Variants in SIPA1L1 observed in about 807,000 individuals in gnomAD.
SIPA1L1 encodes signal-induced proliferation-associated 1-like protein 1.
In SIPA1L1, 26 loss-of-function variants were observed where a neutral mutation model predicts 162.7. The ratio of observed to expected loss-of-function variants is 0.16; its 90% CI spans 0.12 to 0.22. The LOEUF is 0.22. SIPA1L1 is among the 10% of genes least tolerant of loss of function. The pLI is 1.00. For missense variants in SIPA1L1, 1,874 were observed against 2,241.0 expected (o/e 0.84, Z 3.31); for synonymous variants, 829 against 837.4 (o/e 0.99, Z 0.17).
intron 13 of SIPA1L1, among the ~76,000 whole-genome samples, chr14:71,690,403 G>A (rs1453803189): frequency 1.3e-5 from 2 of 151,884 alleles, no homozygotes; most frequent in Non-Finnish European, 2.9e-5. Context: ...ACCACACCCA[G>A]CTTATGTTTT....
At chr14:71,648,676 GA>G (rs1051167964) in intron 7 of SIPA1L1, among the ~76,000 whole-genome samples, 1 of 152,210 alleles carries the variant, frequency 6.6e-6, no homozygotes, top group Non-Finnish European at 1.5e-5. Context: ...TTCACACAAA[GA>G]TGAATAAATT....
intron 12 of SIPA1L1, among the ~76,000 whole-genome samples, chr14:71,680,433 A>G (rs2045687834): frequency 6.6e-6 from 1 of 152,248 alleles, no homozygotes. Flanking sequence ...AGCGGTGTGT[A>G]GAGGGAAACT....
intron 4 of SIPA1L1, among the ~76,000 whole-genome samples, chr14:71,537,831 G>C (rs1015990838): frequency 6.6e-6 from 1 of 152,154 alleles, no homozygotes; most frequent in Non-Finnish European, 1.5e-5. Flanking sequence ...AAAGAGTTCA[G>C]GTGAGGAATT....
chr14:71,670,142 C>T (rs997593485), intron 10 of SIPA1L1, among the ~76,000 whole-genome samples: 3 of 152,096 alleles, frequency 2.0e-5, no homozygotes, highest in Non-Finnish European at 4.4e-5. Flanking sequence ...GAATCATTTC[C>T]AGTCATGTCA....
At chr14:71,631,958 T>C (rs965233134) in intron 7 of SIPA1L1, among the ~76,000 whole-genome samples, 1 of 152,074 alleles carries the variant, frequency 6.6e-6, no homozygotes, top group Non-Finnish European at 1.5e-5. Flanking sequence ...ATTAGAACAA[T>C]TTTTTTTGTT....
chr14:71,593,510 C>A (rs1443597019), intron 5 of SIPA1L1, among the ~76,000 whole-genome samples: 1 of 152,098 alleles, frequency 6.6e-6, no homozygotes, highest in South Asian at 2.1e-4. Context: ...CGTACCTGGC[C>A]TTTTGTTTTC....
At chr14:71,651,431 C>T (rs1187269104) in intron 8 of SIPA1L1, among the ~76,000 whole-genome samples, 1 of 152,126 alleles carries the variant, frequency 6.6e-6, no homozygotes, top group African/African-American at 2.4e-5. Context: ...TTTCCTGTTG[C>T]CATGGTTTTG....
At chr14:71,404,157 T>A (rs1323936451) in intron 2 of SIPA1L1, among the ~76,000 whole-genome samples, 2 of 152,190 alleles carry the variant, frequency 1.3e-5, no homozygotes, top group Admixed American at 6.5e-5. Context: ...AAATTTGCAT[T>A]GGATTGGCTT....
intron 5 of SIPA1L1, among the ~76,000 whole-genome samples, chr14:71,591,535 G>A (rs971557670): frequency 2.6e-5 from 4 of 152,132 alleles, no homozygotes; most frequent in African/African-American, 4.8e-5. Context: ...CACTAATCCA[G>A]TAGTTACTAA....
intron 2 of SIPA1L1, among the ~76,000 whole-genome samples, chr14:71,325,985 G>A (rs2033746542): frequency 6.6e-6 from 1 of 152,114 alleles, no homozygotes; most frequent in African/African-American, 2.4e-5. Context: ...ACAAACTCGG[G>A]GGTCACTCAA....
At chr14:71,396,239 G>T (rs1033288893) in intron 2 of SIPA1L1, among the ~76,000 whole-genome samples, 3 of 152,034 alleles carry the variant, frequency 2.0e-5, no homozygotes, top group African/African-American at 7.3e-5. Flanking sequence ...CAATATGCTG[G>T]TTACCAAGCC....
At chr14:71,496,091 A>G (rs955089509) in intron 2 of SIPA1L1, among the ~76,000 whole-genome samples, 9 of 149,990 alleles carry the variant, frequency 6.0e-5, no homozygotes, top group African/African-American at 1.2e-4. Flanking sequence ...AAAAAAAGCT[A>G]TAAAATTGTC....
Position 71,658,424 on chromosome 14 carries a change from C to T in SIPA1L1, c.2085C>T (p.Asn695=). 1 of 1,578,324 alleles carries T rather than the reference C, an allele frequency of 6.3e-7. No individual in the cohort carries two copies. The highest frequency in any genetic ancestry group is 8.7e-7 in the Non-Finnish European group (1 of 1,147,398). The part of the protein sequence containing the change: ...HVSTMLPYTP[N]NKQQLLRKRH... ...CTACCATGCTGCCATACACACCCAA[C>T]AACAAACAACAGGTAAGAGATCCTC... The change falls in exon 9 of 24, where the codon AAC becomes AAT. Residue 695 remains asparagine (N), a synonymous_variant. Transcript: ENST00000381232.
intron 5 of SIPA1L1, among the ~76,000 whole-genome samples, chr14:71,593,581 A>T (rs1292415031): frequency 6.6e-6 from 1 of 152,194 alleles, no homozygotes; most frequent in African/African-American, 2.4e-5. Flanking sequence ...ATACTAAGTT[A>T]TAGAATAATT....
intron 7 of SIPA1L1, 166 bp from the exon 8 acceptor site, chr14:71,650,169 T>G: frequency 1.4e-6 from 1 of 725,194 alleles, no homozygotes; most frequent in South Asian, 1.7e-5. Context: ...TCGTAGATAC[T>G]TGCTCCACTT....
chr14:71,647,751 A>T (rs2042291131), intron 7 of SIPA1L1, among the ~76,000 whole-genome samples: 2 of 152,194 alleles, frequency 1.3e-5, no homozygotes, highest in Admixed American at 6.5e-5. Flanking sequence ...GAGACCTAAT[A>T]GGGTACTTAG....
intron 5 of SIPA1L1, among the ~76,000 whole-genome samples, chr14:71,596,172 G>T (rs1443641768): frequency 1.3e-5 from 2 of 152,178 alleles, no homozygotes; most frequent in Non-Finnish European, 2.9e-5. Context: ...GGAAGATTAG[G>T]CAGGGAGAGC....
chr14:71,543,975 A>G (rs1184064955), intron 4 of SIPA1L1, among the ~76,000 whole-genome samples: 1 of 149,978 alleles, frequency 6.7e-6, no homozygotes, highest in Admixed American at 6.6e-5. Flanking sequence ...ATATATACAC[A>G]CACGCACATG....
rs551267311 is a variant in SIPA1L1 at position 71,715,547 on chromosome 14, T to G, written c.4208+5883T>G. 2.6e-5 allele frequency among the ~76,000 whole-genome samples: 4 copies of G among 152,398 alleles called. No homozygotes were observed. In the South Asian group the frequency reaches 8.3e-4, roughly 32 times the overall value. ...ATGTGCCATGTCATACACATTAGCA[T>G]AGCCTAGTACCACCAAACCAAAATC... On this transcript the variant is annotated intron_variant, in intron 17 of 23. Coordinates refer to ENST00000381232, the MANE Select transcript of SIPA1L1 (RefSeq NM_001386936.1).
Sources: allele counts gnomAD v4.1 joint callset (sites outside exome capture counted in the v4.1 genomes callset), GRCh38; gene constraint gnomAD v4.1.1; transcripts MANE v1.5; gene names NCBI Gene and HGNC (gene_info 2026-07-23, HGNC 2026-07-21).